PTGDR: variants seen among roughly 807,000 people sequenced by gnomAD.
The protein encoded by PTGDR is PGD2 receptor.
In PTGDR, 19 loss-of-function variants were observed where a neutral mutation model predicts 17.4. That is an observed-to-expected ratio of 1.09 (90% CI 0.76 to 1.60). PTGDR has a LOEUF of 1.60. Among genes scored for constraint, PTGDR ranks in the 40% most tolerant of loss-of-function variants. The probability of loss-of-function intolerance (pLI) is 0.00; values close to 1 mark genes in which losing one functional copy is unlikely to be tolerated. For synonymous variants in PTGDR, 267 were observed against 224.2 expected (o/e 1.19, Z -1.71); for missense variants, 526 against 481.9 (o/e 1.09, Z -0.86).
Position 52,275,052 on chromosome 14 carries a change from T to G in PTGDR, c.*88T>G. ...TTAAAAAAAAAAAGACAACTTACAATTTAAATCCTTAAAAGTTACCTCCCA... is the reference window on the plus strand; with the variant it reads ...TTAAAAAAAAAAAGACAACTTACAAGTTAAATCCTTAAAAGTTACCTCCCA... On this transcript the variant is annotated 3_prime_UTR_variant, in exon 2 of 2. Transcript: ENST00000306051. 9.1e-7 allele frequency: 1 copy of G among 1,104,164 alleles called. No individual in the cohort carries two copies. The highest frequency in any genetic ancestry group is 1.3e-6 in the Non-Finnish European group (1 of 782,548). The allele number at this position is 1,104,164 out of a possible 1,614,324, so 68.4% of individuals were successfully genotyped here.
downstream of PTGDR, among the ~76,000 whole-genome samples, chr14:52,276,888 T>C (rs183958889): frequency 2.1e-4 from 31 of 151,156 alleles, no homozygotes; most frequent in Admixed American, 1.8e-3. Context: ...TTTCATTACT[T>C]TACTTACATT....
chr14:52,268,481 C>A lies in PTGDR; in HGVS notation c.667C>A (p.Arg223Ser), dbSNP rs1465773495. 1.9e-6 allele frequency: 3 copies of A among 1,610,472 alleles called. No homozygotes were observed. Among genetic ancestry groups the A allele is most frequent in the Middle Eastern group, 1.7e-4 (1 of 6,060 alleles). Residue 223 changes from arginine (R) to serine (S), a missense_variant, in exon 1 of 2, where the codon CGC becomes AGC. Physicochemically the swap from Arg to Ser is moderately radical, Grantham distance 110. Coordinates refer to ENST00000306051, the MANE Select transcript of PTGDR (RefSeq NM_000953.3). Reference sequence around the variant, plus strand: ...CGTGCTGTGCAACCTCGGCGCCATGCGCAACCTCTATGCGATGCACCGGCG... The same window carrying A: ...CGTGCTGTGCAACCTCGGCGCCATGAGCAACCTCTATGCGATGCACCGGCG... ...ATVLCNLGAM[R>S]NLYAMHRRLQ...
At chr14:52,273,756 T>C (rs1249721894) in intron 1 of PTGDR, among the ~76,000 whole-genome samples, 1 of 152,210 alleles carries the variant, frequency 6.6e-6, no homozygotes, top group Non-Finnish European at 1.5e-5. Context: ...CCATATCCCT[T>C]CTTACTAATG....
chr14:52,274,614 A>G (rs2033384143), intron 1 of PTGDR, 117 bp from the exon 2 acceptor site: 1 of 864,934 alleles, frequency 1.2e-6, no homozygotes, highest in Non-Finnish European at 1.8e-6. Context: ...AAATGTACCA[A>G]AAATGGGTGT....
At chr14:52,270,103 G>C (rs1407918877) in intron 1 of PTGDR, among the ~76,000 whole-genome samples, 1 of 152,134 alleles carries the variant, frequency 6.6e-6, no homozygotes, top group Non-Finnish European at 1.5e-5. Flanking sequence ...CATCTCCCTG[G>C]AGTTAAGAAT....
intron 1 of PTGDR, among the ~76,000 whole-genome samples, chr14:52,272,201 C>G (rs2033334184): frequency 6.6e-6 from 1 of 152,150 alleles, no homozygotes; most frequent in African/African-American, 2.4e-5. Flanking sequence ...GGGCTGGTGG[C>G]TCACACTTGT....
chr14:52,268,900 G>A (rs1371507104), intron 1 of PTGDR, among the ~76,000 whole-genome samples: 2 of 152,210 alleles, frequency 1.3e-5, no homozygotes, highest in African/African-American at 4.8e-5. Context: ...GCCCGGCGGT[G>A]TCTCCCTAGC....
At chr14:52,271,538 T>C (rs773225690) in intron 1 of PTGDR, among the ~76,000 whole-genome samples, 12 of 152,236 alleles carry the variant, frequency 7.9e-5, no homozygotes, top group South Asian at 2.1e-4. Context: ...TGTGGGGATT[T>C]CACAATGATT....
intron 1 of PTGDR, among the ~76,000 whole-genome samples, chr14:52,272,584 C>A (rs1422969312): frequency 6.6e-6 from 1 of 152,146 alleles, no homozygotes; most frequent in Non-Finnish European, 1.5e-5. Context: ...TTGTTGCCAC[C>A]TCCTGGACAT....
chr14:52,269,510 T>C (rs2033285511), intron 1 of PTGDR: 2 of 1,535,154 alleles, frequency 1.3e-6, no homozygotes, highest in Non-Finnish European at 1.7e-6. Flanking sequence ...TGAGGAAACA[T>C]TTTCAGTGCT....
chr14:52,273,131 G>A (rs2140007055), intron 1 of PTGDR, among the ~76,000 whole-genome samples: 1 of 152,256 alleles, frequency 6.6e-6, no homozygotes, highest in East Asian at 1.9e-4. Context: ...TCCTGCCTCA[G>A]CCTCCCGAGT....
downstream of PTGDR, chr14:52,276,839 T>C (rs2033435209): frequency 6.6e-6 from 1 of 152,196 alleles, no homozygotes; most frequent in Non-Finnish European, 1.5e-5. Context: ...TGGATTTTTA[T>C]ATACTGTCCG....
Position 52,273,137 on chromosome 14 carries a change from C to T in PTGDR, c.847-1594C>T, listed in dbSNP as rs142163755. On this transcript the variant is annotated intron_variant, in intron 1 of 1. Transcript: ENST00000306051. Reference sequence around the variant, plus strand: ...AAGCAATTCTCCTGCCTCAGCCTCCCGAGTAGCTGGGATTACAGGCGCCCA... The same window carrying T: ...AAGCAATTCTCCTGCCTCAGCCTCCTGAGTAGCTGGGATTACAGGCGCCCA... Among the ~76,000 whole-genome samples the T allele has an allele frequency of 1.8e-3, 270 of 152,088 alleles. 1 individual carries two copies. The highest frequency in any genetic ancestry group is 6.3e-3 in the African/African-American group (262 of 41,482).
Position 52,267,992 on chromosome 14 carries a change from G to A in PTGDR, c.178G>A (p.Val60Ile). The A allele has an allele frequency of 6.2e-7, 1 of 1,609,872 alleles. No homozygotes were observed. The highest frequency in any genetic ancestry group is 1.1e-5 in the South Asian group (1 of 91,092). ...SRRPLRPLPSVFYMLVCGLTV... is the reference protein window; with the variant it reads ...SRRPLRPLPSIFYMLVCGLTV... ...GCGTCCACTGCGCCCGCTGCCCTCGGTCTTCTACATGCTGGTGTGTGGCCT... is the reference window on the plus strand; with the variant it reads ...GCGTCCACTGCGCCCGCTGCCCTCGATCTTCTACATGCTGGTGTGTGGCCT... The change falls in exon 1 of 2, where the codon GTC (valine) becomes ATC (isoleucine). Residue 60 changes from valine (V) to isoleucine (I), a missense_variant. Val to Ile is a conservative substitution (Grantham distance 29). Coordinates refer to ENST00000306051, the MANE Select transcript of PTGDR (RefSeq NM_000953.3).
At chr14:52,270,050 A>G (rs4898758) in intron 1 of PTGDR, among the ~76,000 whole-genome samples, 26,592 of 152,112 alleles carry the variant, frequency 0.17, 2,557 homozygotes, top group Middle Eastern at 0.29. Flanking sequence ...AGGAGTTAGC[A>G]AACCACAGCT....
At chr14:52,271,039 GT>G (rs35739199) in intron 1 of PTGDR, among the ~76,000 whole-genome samples, 18,911 of 152,194 alleles carry the variant, frequency 0.12, 1,266 homozygotes, top group Middle Eastern at 0.24. Flanking sequence ...ATCAGACATG[GT>G]TTTGAATCAG....
chr14:52,272,252 G>C (rs990170948), intron 1 of PTGDR, among the ~76,000 whole-genome samples: 1 of 152,074 alleles, frequency 6.6e-6, no homozygotes, highest in African/African-American at 2.4e-5. Flanking sequence ...AGGACTGTTT[G>C]AGCCCAGGTG....
Position 52,267,829 on chromosome 14 carries a change from C to G in PTGDR, c.15C>G (p.Phe5Leu). The change falls in exon 1 of 2, where the codon TTC (phenylalanine) becomes TTG (leucine). Residue 5 changes from phenylalanine (F) to leucine (L), a missense_variant. By Grantham distance (22) the Phe-to-Leu change is conservative. Coordinates refer to ENST00000306051, the MANE Select transcript of PTGDR (RefSeq NM_000953.3). Reference sequence around the variant, plus strand: ...TCCCGCACGCCATGAAGTCGCCGTTCTACCGCTGCCAGAACACCACCTCTG... The same window carrying G: ...TCCCGCACGCCATGAAGTCGCCGTTGTACCGCTGCCAGAACACCACCTCTG... MKSPFYRCQNTTSVE... is the reference protein window; with the variant it reads MKSPLYRCQNTTSVE... 1 of 1,565,960 alleles carries G rather than the reference C, an allele frequency of 6.4e-7. No individual in the cohort carries two copies. The highest frequency in any genetic ancestry group is 1.4e-5 in the African/African-American group (1 of 73,928).
downstream of PTGDR, among the ~76,000 whole-genome samples, chr14:52,280,836 A>G (rs572242572): frequency 6.6e-6 from 1 of 152,172 alleles, no homozygotes; most frequent in African/African-American, 2.4e-5. Flanking sequence ...GAAACCCTCA[A>G]AATCATCTAT....
Sources: gnomAD v4.1 joint callset for allele counts (sites outside exome capture counted in the v4.1 genomes callset) on GRCh38, gnomAD v4.1.1 for gene constraint, MANE v1.5 for transcripts, NCBI Gene and HGNC (gene_info 2026-07-23, HGNC 2026-07-21) for gene names.